The following TUBA1C variants were observed in gnomAD, a reference collection of about 807,000 sequenced individuals.
The protein encoded by TUBA1C is tubulin alpha 1c, also known as tubulin alpha-1C chain.
In TUBA1C, 16 loss-of-function variants were observed where a neutral mutation model predicts 34.9. The observed-to-expected ratio is 0.46, with a 90% CI of 0.31 to 0.70. TUBA1C has a LOEUF of 0.70. Among genes scored for constraint, TUBA1C ranks in the 30% least tolerant of loss-of-function variants. The pLI, the probability that TUBA1C is intolerant of heterozygous loss-of-function variation, is 0.05. For synonymous variants in TUBA1C, 177 were observed against 215.9 expected, an observed-to-expected ratio of 0.82 and a Z score of 1.58; for missense variants, 329 against 587.3, an observed-to-expected ratio of 0.56 and a Z score of 4.55.
chr12:49,266,070 C>T (rs1355334656), intron 1 of TUBA1C, among the ~76,000 whole-genome samples: 1 of 148,330 alleles, frequency 6.7e-6, no homozygotes, highest in Non-Finnish European at 1.5e-5. Flanking sequence ...GCGTAGGTTT[C>T]CCTGAGCCGA....
At chr12:49,262,399 TAAAAAAA>T (rs55985243), upstream of TUBA1C, among the ~76,000 whole-genome samples, 4 of 42,074 alleles carry the variant, frequency 9.5e-5, no homozygotes, top group South Asian at 3.7e-3. Flanking sequence ...AGACCCTGTG[TAAAAAAA>T]AAAAAAAAAA....
chr12:49,270,303 C>T, intron 3 of TUBA1C: 1 of 434,794 alleles, frequency 2.3e-6, no homozygotes, highest in East Asian at 5.1e-5. Flanking sequence ...TGGGATGGTT[C>T]CTTCATGTCA....
chr12:49,261,026 ACC>A (rs1942835513), upstream of TUBA1C, among the ~76,000 whole-genome samples: 1 of 152,144 alleles, frequency 6.6e-6, no homozygotes, highest in Non-Finnish European at 1.5e-5. Context: ...GAGCCACCTC[ACC>A]TGGCTGAAAT....
chr12:49,267,658 C>T (rs963072650), intron 1 of TUBA1C, among the ~76,000 whole-genome samples: 1 of 152,136 alleles, frequency 6.6e-6, no homozygotes, highest in Non-Finnish European at 1.5e-5. Flanking sequence ...AAACATGATG[C>T]AATGGTAAAT....
chr12:49,247,998 C>T lies in TUBA1C; in HGVS notation c.213+19832C>T, dbSNP rs540392063. Among the ~76,000 whole-genome samples, 5 of 146,696 alleles carry T rather than the reference C, an allele frequency of 3.4e-5. No individual in the cohort carries two copies. In the South Asian group the frequency reaches 1.1e-3, roughly 32 times the overall value. On this transcript the variant is annotated intron_variant, in intron 1 of 3. Coordinates refer to the TUBA1C transcript ENST00000541364. ...AAAGAAAGAAAAGTAAAATCAGAGC[C>T]AGGTGCGGTGGCTCACACCTGTAAT...
At chr12:49,256,180 C>G (rs530935331) in intron 1 of TUBA1C, among the ~76,000 whole-genome samples, 1 of 152,194 alleles carries the variant, frequency 6.6e-6, no homozygotes, top group East Asian at 1.9e-4. Flanking sequence ...GACCAAAGGC[C>G]ATGAAACCCC....
intron 1 of TUBA1C, chr12:49,228,204 T>C: frequency 6.6e-7 from 1 of 1,526,648 alleles, no homozygotes; most frequent in South Asian, 1.2e-5. Flanking sequence ...AATAGCTTCA[T>C]CATGCACGGC....
intron 1 of TUBA1C, among the ~76,000 whole-genome samples, chr12:49,235,722 G>C (rs1321653889): frequency 4.3e-5 from 6 of 141,044 alleles, no homozygotes; most frequent in Non-Finnish European, 9.1e-5. Context: ...GACAGGGTGA[G>C]ACTCGGTCTC....
Position 49,272,697 on chromosome 12 carries a change from C to G in TUBA1C, c.820C>G (p.Pro274Ala). ...RIHFPLATYAPVISAEKAYHE... is the reference protein window; with the variant it reads ...RIHFPLATYAAVISAEKAYHE... ...CCACTTCCCTCTGGCCACATATGCC[C>G]CTGTCATCTCTGCTGAGAAAGCCTA... The change falls in exon 4 of 4, where the codon CCT (proline) becomes GCT (alanine). Residue 274 changes from proline (P) to alanine (A), a missense_variant. By Grantham distance (27) the Pro-to-Ala change is conservative (BLOSUM62 -1). This residue lies in a region of TUBA1C where 140 missense variants were observed against 289.8 expected (regional missense o/e 0.48). Coordinates refer to ENST00000301072, the MANE Select transcript of TUBA1C (RefSeq NM_032704.5). The G allele has an allele frequency of 2.5e-6, 4 of 1,612,502 alleles. No individual in the cohort carries two copies. Among genetic ancestry groups the G allele is most frequent in the Non-Finnish European group, 3.4e-6 (4 of 1,179,876 alleles).
At chr12:49,266,519 T>G (rs149442438) in intron 1 of TUBA1C, among the ~76,000 whole-genome samples, 20 of 152,222 alleles carry the variant, frequency 1.3e-4, no homozygotes, top group African/African-American at 4.3e-4. Flanking sequence ...ATACGTAACT[T>G]GAGTGTTTTC....
intron 1 of TUBA1C, among the ~76,000 whole-genome samples, chr12:49,249,511 A>G (rs1197256270): frequency 6.6e-6 from 1 of 152,198 alleles, no homozygotes; most frequent in African/African-American, 2.4e-5. Context: ...GCAGAAATCA[A>G]TGAAACAGAA....
chr12:49,266,997 G>A (rs766500260), intron 1 of TUBA1C, among the ~76,000 whole-genome samples: 20 of 152,142 alleles, frequency 1.3e-4, no homozygotes, highest in Non-Finnish European at 1.5e-4. Context: ...GAGCGGCAGC[G>A]GACTGGTTTA....
At position 49,230,433 on chromosome 12, in the gene TUBA1C, C is replaced by T. The variant is rs557420466; in HGVS notation, c.213+2267C>T. Among the ~76,000 whole-genome samples, 10 of 152,238 alleles carry T rather than the reference C, an allele frequency of 6.6e-5. No individual in the cohort carries two copies. The East Asian group carries it at 1.2e-3, about 18-fold the overall frequency. The stretch of plus-strand genomic sequence containing the variant: ...GCAGGTACAGTGTTATCAGTAGATT[C>T]GTTCCCTCTCTGCCTCTGAATATTT... On this transcript the variant is annotated intron_variant, in intron 1 of 3. Coordinates refer to the TUBA1C transcript ENST00000541364.
At chr12:49,245,411 G>A (rs1344255406) in intron 1 of TUBA1C, among the ~76,000 whole-genome samples, 1 of 151,946 alleles carries the variant, frequency 6.6e-6, no homozygotes, top group African/African-American at 2.4e-5. Flanking sequence ...GACCAGCCTG[G>A]GCAACATAGT....
chr12:49,243,874 G>T (rs1333088857), intron 1 of TUBA1C, among the ~76,000 whole-genome samples: 1 of 152,094 alleles, frequency 6.6e-6, no homozygotes, highest in Admixed American at 6.6e-5. Context: ...TTTAGGCCAG[G>T]CATGGTGGCT....
intron 1 of TUBA1C, among the ~76,000 whole-genome samples, chr12:49,265,955 T>G (rs1206967705): frequency 9.2e-6 from 1 of 109,100 alleles, no homozygotes; most frequent in Non-Finnish European, 1.8e-5. Context: ...CCGTCTCTAC[T>G]TTAAAAAAAA....
chr12:49,248,938 G>A (rs1022974646), intron 1 of TUBA1C, among the ~76,000 whole-genome samples: 1 of 151,336 alleles, frequency 6.6e-6, no homozygotes, highest in African/African-American at 2.4e-5. Flanking sequence ...TATGTATTTG[G>A]AAATAAAACA....
intron 1 of TUBA1C, 53 bp from the exon 2 acceptor site, chr12:49,269,412 A>C (rs1942957754): frequency 1.2e-6 from 2 of 1,610,956 alleles, no homozygotes; most frequent in South Asian, 1.1e-5. Flanking sequence ...ATCATTCCTA[A>C]ATGTCCCATC....
intron 1 of TUBA1C, among the ~76,000 whole-genome samples, chr12:49,241,260 A>T (rs1212221496): frequency 6.6e-6 from 1 of 152,116 alleles, no homozygotes; most frequent in African/African-American, 2.4e-5. Flanking sequence ...TCCATACCAG[A>T]CACTTAAATT....
Sources: gnomAD v4.1 joint callset for allele counts (sites outside exome capture counted in the v4.1 genomes callset) on GRCh38, gnomAD v4.1.1 for gene constraint, gnomAD v4.1.1 regional missense constraint, MANE v1.5 for transcripts, NCBI Gene and HGNC (gene_info 2026-07-23, HGNC 2026-07-21) for gene names.